TENM2: variants seen among roughly 807,000 people sequenced by gnomAD.
TENM2 encodes teneurin transmembrane protein 2.
A neutral mutation model predicts 245.2 loss-of-function variants in TENM2; 52 were observed. That is an observed-to-expected ratio of 0.21 (90% confidence interval 0.17 to 0.27). TENM2 has a LOEUF of 0.27. Ranked by LOEUF, TENM2 falls within the 10% of genes least tolerant of loss-of-function variation. The pLI, the probability that TENM2 is intolerant of heterozygous loss-of-function variation, is 1.00. For synonymous variants in TENM2, 1,363 were observed against 1,438.9 expected (o/e 0.95, Z 1.19); for missense variants, 3,046 against 3,666.8 (o/e 0.83, Z 4.37).
chr5:167,738,880 A>T lies in TENM2; in HGVS notation c.503-137106A>T, dbSNP rs1010515955. On this transcript the variant is annotated intron_variant, in intron 2 of 28. Transcript: ENST00000518659. ...GGCCCACCTGAAAGTCCCCGTTTTA[A>T]CTTAATCACCTCTTTAAATGCCCTA... Among the ~76,000 whole-genome samples the T allele has an allele frequency of 3.9e-5, 6 of 152,226 alleles. No homozygotes were observed. In the East Asian group the frequency reaches 7.7e-4, roughly 20 times the overall value.
At chr5:167,939,418 C>T (rs777076850) in intron 3 of TENM2, among the ~76,000 whole-genome samples, 16 of 152,188 alleles carry the variant, frequency 1.1e-4, no homozygotes, top group Non-Finnish European at 1.9e-4. Context: ...CTGCCCAGTT[C>T]CTGTACTGGC....
At chr5:167,546,398 C>T (rs577585786) in intron 2 of TENM2, among the ~76,000 whole-genome samples, 2 of 152,242 alleles carry the variant, frequency 1.3e-5, no homozygotes, top group African/African-American at 4.8e-5. Flanking sequence ...TCCCTAGGAA[C>T]CTTAGACTGT....
intron 9 of TENM2, among the ~76,000 whole-genome samples, chr5:168,098,433 T>C (rs1581292750): frequency 6.6e-6 from 1 of 152,226 alleles, no homozygotes; most frequent in Admixed American, 6.5e-5. Flanking sequence ...ATCACTCCTT[T>C]CTTATAATCA....
At chr5:167,248,204 A>C in the TENM2 span, among the ~76,000 whole-genome samples, 1 of 152,060 alleles carries the variant, frequency 6.6e-6, no homozygotes, top group African/African-American at 2.4e-5. Context: ...TTTTTTGTTT[A>C]ATACTTGTGC....
At chr5:167,127,003 G>T in the TENM2 span, among the ~76,000 whole-genome samples, 1 of 151,522 alleles carries the variant, frequency 6.6e-6, no homozygotes, top group Non-Finnish European at 1.5e-5. Flanking sequence ...TGAATTCACA[G>T]GTGCATTTTT....
intron 2 of TENM2, among the ~76,000 whole-genome samples, chr5:167,785,992 G>T (rs1189864089): frequency 6.6e-6 from 1 of 152,108 alleles, no homozygotes; most frequent in African/African-American, 2.4e-5. Context: ...TGCTATTTGT[G>T]GTCCCTGAAT....
chr5:167,697,539 T>C (rs75034884), intron 2 of TENM2, among the ~76,000 whole-genome samples: 1 of 129,574 alleles, frequency 7.7e-6, no homozygotes, highest in Non-Finnish European at 1.7e-5. Flanking sequence ...GAGTTATCAA[T>C]TTTTTTTTGA....
chr5:166,996,666 T>C, the TENM2 span, among the ~76,000 whole-genome samples: 9 of 152,338 alleles, frequency 5.9e-5, no homozygotes, highest in African/African-American at 2.2e-4. Flanking sequence ...ATGAATATTA[T>C]TGGGTTTGGC....
chr5:167,440,860 T>A (rs1764839848), intron 2 of TENM2, among the ~76,000 whole-genome samples: 1 of 68,580 alleles, frequency 1.5e-5, no homozygotes, highest in Non-Finnish European at 3.0e-5. Flanking sequence ...GTCAACAGTC[T>A]GTGGCAGATT....
At chr5:167,642,964 C>T (rs983396344) in intron 2 of TENM2, among the ~76,000 whole-genome samples, 2 of 152,168 alleles carry the variant, frequency 1.3e-5, no homozygotes, top group African/African-American at 4.8e-5. Context: ...CCACAGTGCT[C>T]AGCGGATGTT....
chr5:167,787,074 TC>T (rs756490955), intron 2 of TENM2, among the ~76,000 whole-genome samples: 67 of 152,160 alleles, frequency 4.4e-4, no homozygotes, highest in Non-Finnish European at 7.9e-4. Context: ...GAGATGATTA[TC>T]CCCAGGGGGC....
intron 2 of TENM2, among the ~76,000 whole-genome samples, chr5:167,560,119 A>G (rs1265516393): frequency 1.3e-5 from 2 of 152,116 alleles, no homozygotes; most frequent in Non-Finnish European, 2.9e-5. Flanking sequence ...AGGTCTTCAG[A>G]CCAGTGCCAT....
At chr5:168,094,939 T>G (rs1245536760) in intron 8 of TENM2, among the ~76,000 whole-genome samples, 1 of 151,874 alleles carries the variant, frequency 6.6e-6, no homozygotes, top group Non-Finnish European at 1.5e-5. Flanking sequence ...TTGTGAACTG[T>G]GCATGCGAGG....
chr5:167,763,476 G>A (rs747732823), intron 2 of TENM2, among the ~76,000 whole-genome samples: 7 of 152,138 alleles, frequency 4.6e-5, no homozygotes, highest in Non-Finnish European at 7.4e-5. Context: ...ACTGCCTGCC[G>A]AATGAAGATT....
At chr5:168,136,449 G>A (rs1247086594) in intron 12 of TENM2, among the ~76,000 whole-genome samples, 1 of 152,140 alleles carries the variant, frequency 6.6e-6, no homozygotes, top group East Asian at 1.9e-4. Flanking sequence ...CTACAGCACT[G>A]CCCCTACTGC....
chr5:168,079,945 A>G (rs927767654), intron 7 of TENM2, among the ~76,000 whole-genome samples: 1 of 152,244 alleles, frequency 6.6e-6, no homozygotes, highest in East Asian at 1.9e-4. Context: ...CTGGCCCCAT[A>G]AAATGAGTTA....
rs1421007726 is a variant in TENM2 at position 167,434,272 on chromosome 5, T to G, written c.502+58799T>G. On this transcript the variant is annotated intron_variant, in intron 2 of 28. Coordinates refer to ENST00000518659, the Ensembl canonical transcript of TENM2. ...CCATCTCTACTAAAAATACAAAAAA[T>G]TAGCTGGATATGGTGGCAGGTGCCC... 4.0e-5 allele frequency among the ~76,000 whole-genome samples: 6 copies of G among 151,274 alleles called. 1 individual carries two copies. Among genetic ancestry groups the G allele is most frequent in the Admixed American group, 3.9e-4 (6 of 15,202 alleles).
chr5:168,140,792 T>C (rs1472809639), intron 12 of TENM2, among the ~76,000 whole-genome samples: 2 of 152,186 alleles, frequency 1.3e-5, no homozygotes, highest in African/African-American at 2.4e-5. Flanking sequence ...CTTATGCTGA[T>C]AAAATTACAA....
chr5:167,885,268 T>C (rs1488185868), intron 3 of TENM2, among the ~76,000 whole-genome samples: 2 of 152,198 alleles, frequency 1.3e-5, no homozygotes, highest in Admixed American at 1.3e-4. Flanking sequence ...GTCCAGTATA[T>C]CTATTTTTAC....
Sources: gnomAD v4.1 joint callset for allele counts (sites outside exome capture counted in the v4.1 genomes callset) on GRCh38, gnomAD v4.1.1 for gene constraint, MANE v1.5 for transcripts, NCBI Gene and HGNC (gene_info 2026-07-23, HGNC 2026-07-21) for gene names.